NSUN6: variants seen among roughly 807,000 people sequenced by gnomAD.
The protein encoded by NSUN6 is NOP2/Sun RNA methyltransferase 6, also known as tRNA (cytosine(72)-C(5))-methyltransferase NSUN6.
A neutral mutation model predicts 58.0 loss-of-function variants in NSUN6; 64 were observed. The ratio of observed to expected loss-of-function variants is 1.10; its 90% CI spans 0.90 to 1.36. The LOEUF is 1.36. Ranked by LOEUF, NSUN6 falls within the 40% of genes most tolerant of loss-of-function variation. NSUN6 has a pLI of 0.00. For missense variants in NSUN6, 701 were observed against 550.1 expected (o/e 1.27, Z -2.74); for synonymous variants, 231 against 193.9 (o/e 1.19, Z -1.59).
At chr10:18,639,521 A>T (rs1165685791) in intron 3 of NSUN6, among the ~76,000 whole-genome samples, 7 of 152,222 alleles carry the variant, frequency 4.6e-5, no homozygotes, top group Non-Finnish European at 1.0e-4. Flanking sequence ...AAAAAATTTT[A>T]AAAACAGATA....
intron 8 of NSUN6, among the ~76,000 whole-genome samples, chr10:18,555,047 G>A (rs1169657510): frequency 1.3e-5 from 2 of 151,364 alleles, no homozygotes; most frequent in Non-Finnish European, 2.9e-5. Context: ...AGAATGGAAT[G>A]GAATGGAGAA....
In NSUN6 at chr10:18,548,154, G is replaced by T; in HGVS notation, c.1155C>A (p.Ala385=). The T allele has an allele frequency of 6.2e-7, 1 of 1,613,858 alleles. No homozygotes were observed. Among genetic ancestry groups the T allele is most frequent in the Non-Finnish European group, 8.5e-7 (1 of 1,179,888 alleles). The change falls in exon 10 of 11, where the codon GCC becomes GCA. Residue 385 remains alanine (A), a synonymous_variant. Transcript: ENST00000377304. ...GGCAAGGAAATTTTGTCAGGGCCCAGGCAACCTGTTCTTCATTTTCGGCCA... is the reference window on the plus strand; with the variant it reads ...GGCAAGGAAATTTTGTCAGGGCCCATGCAACCTGTTCTTCATTTTCGGCCA... ...ITLAENEEQV[A]WALTKFPCLQ...
chr10:18,652,457 A>G, upstream of NSUN6: 1 of 984,904 alleles, frequency 1.0e-6, no homozygotes, highest in Non-Finnish European at 1.2e-6. Context: ...ACACACACAC[A>G]TAGAACAGGT....
rs558626771 is a variant in NSUN6 at position 18,624,430 on chromosome 10, C to G, written c.312-8137G>C. ...GTGGCTCATGCCTATAATCCCAGCA[C>G]TTTGGGAGGCTGAGGAGGGTGGATC... On this transcript the variant is annotated intron_variant, in intron 3 of 10. Coordinates refer to ENST00000377304, the MANE Select transcript of NSUN6 (RefSeq NM_182543.5). Among the ~76,000 whole-genome samples the G allele has an allele frequency of 2.0e-5, 3 of 151,786 alleles. No individual in the cohort carries two copies. In the South Asian group the frequency reaches 6.2e-4, roughly 32 times the overall value.
chr10:18,611,635 T>A (rs1345892901), intron 5 of NSUN6, among the ~76,000 whole-genome samples: 3 of 152,078 alleles, frequency 2.0e-5, no homozygotes, highest in African/African-American at 7.2e-5. Flanking sequence ...GTTCAAGTGA[T>A]CCTCCCAACT....
chr10:18,602,730 CCTA>C (rs1245847862), intron 6 of NSUN6, among the ~76,000 whole-genome samples: 20 of 152,118 alleles, frequency 1.3e-4, no homozygotes, highest in Non-Finnish European at 7.4e-5. Flanking sequence ...CAGTCTCCTC[CCTA>C]CTTCCAGAAA....
intron 2 of NSUN6, among the ~76,000 whole-genome samples, 154 bp from the exon 3 acceptor site, chr10:18,642,709 G>T (rs1464158743): frequency 6.6e-6 from 1 of 152,028 alleles, no homozygotes; most frequent in African/African-American, 2.4e-5. Flanking sequence ...AAATCCAAAA[G>T]ACCTCAAAAC....
intron 3 of NSUN6, among the ~76,000 whole-genome samples, chr10:18,630,324 C>G (rs1253120615): frequency 6.7e-6 from 1 of 149,664 alleles, no homozygotes; most frequent in Non-Finnish European, 1.5e-5. Context: ...AATTGACACC[C>G]TAACATCACA....
chr10:18,563,657 T>G (rs1406842684), intron 8 of NSUN6, among the ~76,000 whole-genome samples: 1 of 150,938 alleles, frequency 6.6e-6, no homozygotes, highest in Non-Finnish European at 1.5e-5. Flanking sequence ...CCATGCTCCA[T>G]TCGATTCCAT....
At chr10:18,634,949 A>G (rs1190120575) in intron 3 of NSUN6, among the ~76,000 whole-genome samples, 15 of 152,068 alleles carry the variant, frequency 9.9e-5, no homozygotes, top group Non-Finnish European at 2.1e-4. Flanking sequence ...GGAATGAGAA[A>G]CAGTTCCCAA....
intron 3 of NSUN6, among the ~76,000 whole-genome samples, chr10:18,639,214 G>T (rs1246154322): frequency 1.3e-5 from 2 of 152,204 alleles, no homozygotes; most frequent in African/African-American, 2.4e-5. Context: ...GACTTAATAG[G>T]CCGGGTGCGG....
intron 6 of NSUN6, among the ~76,000 whole-genome samples, chr10:18,606,959 A>G (rs1034171788): frequency 2.0e-5 from 3 of 152,214 alleles, no homozygotes; most frequent in Non-Finnish European, 4.4e-5. Flanking sequence ...ATCTAAGTTA[A>G]TCAATCCCTG....
chr10:18,610,133 A>C (rs1446062629), intron 5 of NSUN6, among the ~76,000 whole-genome samples: 2 of 152,150 alleles, frequency 1.3e-5, no homozygotes, highest in African/African-American at 4.8e-5. Flanking sequence ...CAGCCCGACC[A>C]ACATGGAGAA....
chr10:18,624,423 C>A (rs2131413902), intron 3 of NSUN6, among the ~76,000 whole-genome samples: 1 of 151,946 alleles, frequency 6.6e-6, no homozygotes, highest in African/African-American at 2.4e-5. Flanking sequence ...TGCCTATAAT[C>A]CCAGCACTTT....
chr10:18,572,407 T>C (rs1240031170), intron 8 of NSUN6, among the ~76,000 whole-genome samples: 1 of 150,214 alleles, frequency 6.7e-6, no homozygotes, highest in East Asian at 2.0e-4. Context: ...TTCCAATCCA[T>C]TGTCCATTCT....
intron 8 of NSUN6, among the ~76,000 whole-genome samples, chr10:18,557,966 G>A (rs1186583025): frequency 6.6e-6 from 1 of 151,378 alleles, no homozygotes; most frequent in Non-Finnish European, 1.5e-5. Flanking sequence ...GAATTGAATG[G>A]AATGGAATGA....
chr10:18,566,969 CTCCATTCCATTCTATTCACCACTGCAT>C (rs1305057738), intron 8 of NSUN6, among the ~76,000 whole-genome samples: 3 of 150,920 alleles, frequency 2.0e-5, no homozygotes, highest in African/African-American at 7.3e-5. Flanking sequence ...CTATTCCATT[CTCCATTCCATTCTATTCACCACTGCAT>C]TCCATTCCAT....
At chr10:18,642,675 A>C in intron 2 of NSUN6, 120 bp from the exon 3 acceptor site, 1 of 549,360 alleles carries the variant, frequency 1.8e-6, no homozygotes, top group Non-Finnish European at 3.3e-6. Context: ...GGGCATTTTC[A>C]CCTTATTCCA....
rs748593690 is a variant in NSUN6 at position 18,616,274 on chromosome 10, G to A, written c.331C>T (p.Gln111Ter). 6.2e-7 allele frequency: 1 copy of A among 1,607,198 alleles called. No individual in the cohort carries two copies. Among genetic ancestry groups the A allele is most frequent in the South Asian group, 1.1e-5 (1 of 90,918 alleles). ...IGPRKNIKKQQCEAIVGAQCG... is the reference protein window; with the variant it reads ...IGPRKNIKKQ ...TGGGCTCCAACAATGGCTTCACACT[G>A]TTGTTTTTTAATATTCTTTCTAGAA... Residue 111 changes from glutamine (Q) to a stop codon, truncating the protein, a stop_gained, in exon 4 of 11, where the codon CAG (glutamine) becomes TAG (stop). Coordinates refer to ENST00000377304, the MANE Select transcript of NSUN6 (RefSeq NM_182543.5). LOFTEE classifies it high-confidence loss of function.
Sources: allele counts gnomAD v4.1 joint callset (sites outside exome capture counted in the v4.1 genomes callset), GRCh38; gene constraint gnomAD v4.1.1; transcripts MANE v1.5; gene names NCBI Gene and HGNC (gene_info 2026-07-23, HGNC 2026-07-21).